Variants in DNAJC12 observed in about 807,000 individuals in gnomAD.
The protein encoded by DNAJC12 is DnaJ heat shock protein family (Hsp40) member C12, also known as dnaJ homolog subfamily C member 12.
In DNAJC12, 25 loss-of-function variants were observed where a neutral mutation model predicts 28.5. The ratio of observed to expected loss-of-function variants is 0.88; its 90% confidence interval spans 0.64 to 1.22. DNAJC12 has a LOEUF of 1.22. Ranked by LOEUF, DNAJC12 falls within the 50% of genes most tolerant of loss-of-function variation. DNAJC12 has a pLI of 0.00. For missense variants in DNAJC12, 222 were observed against 231.7 expected (o/e 0.96, Z 0.27); for synonymous variants, 77 against 80.6 (o/e 0.95, Z 0.24).
intron 2 of DNAJC12, among the ~76,000 whole-genome samples, chr10:67,819,756 A>G (rs7920237): frequency 0.19 from 3,778 of 19,956 alleles, 330 homozygotes; most frequent in East Asian, 0.25. Context: ...GGAAGGAAGG[A>G]AGGAAGGAAG....
At chr10:67,812,098 G>A (rs558427244) in intron 2 of DNAJC12, among the ~76,000 whole-genome samples, 1 of 151,882 alleles carries the variant, frequency 6.6e-6, no homozygotes, top group African/African-American at 2.4e-5. Flanking sequence ...TAAAACTGAA[G>A]ACTATAAAGA....
At chr10:67,798,203 T>G (rs899052747) in intron 4 of DNAJC12, among the ~76,000 whole-genome samples, 3 of 152,062 alleles carry the variant, frequency 2.0e-5, no homozygotes, top group African/African-American at 7.3e-5. Flanking sequence ...CATTCTAAAC[T>G]TTAGCAAATG....
At position 67,838,054 on chromosome 10, in the gene DNAJC12, C is replaced by G. The variant is rs1244341848; in HGVS notation, c.-43G>C. The G allele has an allele frequency of 1.7e-5, 22 of 1,330,980 alleles. No homozygotes were observed. The highest frequency in any genetic ancestry group is 2.1e-5 in the Non-Finnish European group (20 of 938,720). 82.4% of individuals were successfully genotyped at this position (1,330,980 alleles called of 1,614,324 possible). A position where few individuals can be genotyped will look rare whatever the true frequency, so the allele number is the denominator to read the frequency against. ...TCCTTCTTCCCTCGGAAACAAGAGGCACAGTGAGCTTCGAATTAACAGGAA... is the reference window on the plus strand; with the variant it reads ...TCCTTCTTCCCTCGGAAACAAGAGGGACAGTGAGCTTCGAATTAACAGGAA... On this transcript the variant is annotated 5_prime_UTR_variant, in exon 1 of 5. Coordinates refer to ENST00000225171, the MANE Select transcript of DNAJC12 (RefSeq NM_021800.3).
At chr10:67,805,319 T>C (rs1156400425) in intron 4 of DNAJC12, among the ~76,000 whole-genome samples, 1 of 152,060 alleles carries the variant, frequency 6.6e-6, no homozygotes, top group Non-Finnish European at 1.5e-5. Flanking sequence ...ATGTAAAGAG[T>C]GTTCCTGCAC....
In DNAJC12 at chr10:67,838,044, A is replaced by C; in HGVS notation, c.-33T>G. The C allele has an allele frequency of 6.9e-7, 1 of 1,448,350 alleles. No individual in the cohort carries two copies. Among genetic ancestry groups the C allele is most frequent in the Non-Finnish European group, 9.6e-7 (1 of 1,040,600 alleles). The allele number at this position is 1,448,350 out of a possible 1,614,324, so 89.7% of individuals were successfully genotyped here. ...ACTTAATCAGTCCTTCTTCCCTCGG[A>C]AACAAGAGGCACAGTGAGCTTCGAA... On this transcript the variant is annotated 5_prime_UTR_variant, in exon 1 of 5. Transcript: ENST00000225171.
intron 2 of DNAJC12, among the ~76,000 whole-genome samples, chr10:67,819,093 G>C (rs1841944762): frequency 6.6e-6 from 1 of 152,186 alleles, no homozygotes; most frequent in Admixed American, 6.5e-5. Context: ...CAGGACTCTG[G>C]GAGACCGAGG....
At position 67,819,779 on chromosome 10, in the gene DNAJC12, G is replaced by GGAGGGGAAGGAA. The variant is rs1841964688; in HGVS notation, c.157+3534_157+3535insTTCCTTCCCCTC. On this transcript the variant is annotated intron_variant, in intron 2 of 4. Transcript: ENST00000225171. ...GGAAGGAAGGAAGGAAGGAAGGAAGGGGAAGGAAGGAAGGAAGGAAGGAAG... is the reference window on the plus strand; with the variant it reads ...GGAAGGAAGGAAGGAAGGAAGGAAGGGAGGGGAAGGAAGGAAGGAAGGAAGGAAGGAAGGAAG... Among the ~76,000 whole-genome samples the GGAGGGGAAGGAA allele has an allele frequency of 1.5e-4, 2 of 13,390 alleles. 1 individual carries two copies. The highest frequency in any genetic ancestry group is 3.6e-3 in the East Asian group (2 of 560). The allele number at this position is 13,390 out of a possible 152,430, so 8.8% of individuals were successfully genotyped here. A position where few individuals can be genotyped will look rare whatever the true frequency, so the allele number is the denominator to read the frequency against.
At position 67,838,171 on chromosome 10, in the gene DNAJC12, T is replaced by C. The variant is rs1172034419; in HGVS notation, c.-160A>G. ...ACAGTCAATACACCAGATGTCATCC[T>C]AGACCTTTGTAAACTCTGCCTCTCA... On this transcript the variant is annotated 5_prime_UTR_variant, in exon 1 of 5. Coordinates refer to ENST00000225171, the MANE Select transcript of DNAJC12 (RefSeq NM_021800.3). 3.8e-6 allele frequency: 2 copies of C among 522,210 alleles called. No homozygotes were observed. The highest frequency in any genetic ancestry group is 6.7e-6 in the Non-Finnish European group (2 of 296,832). The allele number at this position is 522,210 out of a possible 1,614,324, so 32.3% of individuals were successfully genotyped here.
At chr10:67,807,852 T>C (rs1841818736) in intron 3 of DNAJC12, among the ~76,000 whole-genome samples, 1 of 152,254 alleles carries the variant, frequency 6.6e-6, no homozygotes, top group Non-Finnish European at 1.5e-5. Flanking sequence ...TGTTCTGAAA[T>C]AGTAGTCTTA....
rs775170395 is a variant in DNAJC12 at position 67,811,611 on chromosome 10, C to G, written c.210G>C (p.Glu70Asp). The change falls in exon 3 of 5, where the codon GAG (glutamate) becomes GAC (aspartate). Residue 70 changes from glutamate (E) to aspartate (D), a missense_variant. Glu to Asp is a conservative substitution (Grantham distance 45, BLOSUM62 2). Transcript: ENST00000225171. ...GCCAGTGGTCATAGCGGGCTCGACTCTCTTCATTGGTCAGAATCTCCTTTG... is the reference window on the plus strand; with the variant it reads ...GCCAGTGGTCATAGCGGGCTCGACTGTCTTCATTGGTCAGAATCTCCTTTG... The part of the protein sequence containing the change: ...QKAKEILTNE[E>D]SRARYDHWRR... The G allele has an allele frequency of 1.9e-5, 31 of 1,614,086 alleles. No individual in the cohort carries two copies. The highest frequency in any genetic ancestry group is 2.5e-5 in the Non-Finnish European group (29 of 1,180,040).
intron 1 of DNAJC12, among the ~76,000 whole-genome samples, chr10:67,824,064 C>T (rs1252580674): frequency 2.0e-5 from 3 of 151,842 alleles, no homozygotes; most frequent in African/African-American, 7.3e-5. Flanking sequence ...GGTGAAACCC[C>T]GTCTCTACTA....
chr10:67,826,809 G>T (rs1402209698), intron 1 of DNAJC12, among the ~76,000 whole-genome samples: 2 of 122,356 alleles, frequency 1.6e-5, no homozygotes, highest in African/African-American at 6.2e-5. Context: ...GATATATAAT[G>T]ATATATATAA....
rs554430568 is a variant in DNAJC12 at position 67,799,235 on chromosome 10, T to C, written c.503-2025A>G. On this transcript the variant is annotated intron_variant, in intron 4 of 4. Coordinates refer to ENST00000225171, the MANE Select transcript of DNAJC12 (RefSeq NM_021800.3). ...GATATTTTAATATAGTATATAAATA[T>C]GTAGTCAGAAAAAGCATATACAGAA... Among the ~76,000 whole-genome samples, 43 of 152,278 alleles carry C rather than the reference T, an allele frequency of 2.8e-4. 1 individual carries two copies. The South Asian group carries it at 8.7e-3, about 31-fold the overall frequency.
At position 67,797,206 on chromosome 10, in the gene DNAJC12, A is replaced by G. The variant is rs754977331; in HGVS notation, c.507T>C (p.Phe169=). The change falls in exon 5 of 5, where the codon TTT becomes TTC. Residue 169 remains phenylalanine (F), a synonymous_variant. Coordinates refer to ENST00000225171, the MANE Select transcript of DNAJC12 (RefSeq NM_021800.3). ...GAAGGTGCCAACCATTCACATCTGC[A>G]AAACCTTTAAAGGAAAGAAAGTAAA... The part of the protein sequence containing the change: ...VSPQNSDSSG[F]ADVNGWHLRF... The G allele has an allele frequency of 6.2e-7, 1 of 1,613,194 alleles. No individual in the cohort carries two copies. The highest frequency in any genetic ancestry group is 8.5e-7 in the Non-Finnish European group (1 of 1,179,490).
chr10:67,836,199 G>T (rs913170013), intron 1 of DNAJC12, among the ~76,000 whole-genome samples: 1 of 152,012 alleles, frequency 6.6e-6, no homozygotes, highest in African/African-American at 2.4e-5. Context: ...GGCCTGTCGG[G>T]GGGTGGGGGA....
At chr10:67,813,376 A>T (rs1841881631) in intron 2 of DNAJC12, among the ~76,000 whole-genome samples, 1 of 152,144 alleles carries the variant, frequency 6.6e-6, no homozygotes, top group Non-Finnish European at 1.5e-5. Context: ...AAAATAAAAA[A>T]TCAATATACA....
chr10:67,820,777 C>CTTTTTT (rs71006170), intron 2 of DNAJC12, among the ~76,000 whole-genome samples: 10 of 68,534 alleles, frequency 1.5e-4, no homozygotes, highest in Non-Finnish European at 2.2e-4. Context: ...TTCTTTTTTC[C>CTTTTTT]TTTTTTTTTT....
intron 3 of DNAJC12, chr10:67,808,412 C>T (rs1197755819): frequency 6.6e-6 from 1 of 152,194 alleles, no homozygotes; most frequent in Non-Finnish European, 1.5e-5. Flanking sequence ...TCACAATTAA[C>T]TTGTTTACTA....
At chr10:67,824,235 TAA>T (rs11351546) in intron 1 of DNAJC12, among the ~76,000 whole-genome samples, 5,260 of 135,930 alleles carry the variant, frequency 0.039, 242 homozygotes, top group African/African-American at 0.11. Flanking sequence ...GAGTCTGTCT[TAA>T]AAAAAAAAAA....
Sources: gnomAD v4.1 joint callset for allele counts (sites outside exome capture counted in the v4.1 genomes callset) on GRCh38, gnomAD v4.1.1 for gene constraint, MANE v1.5 for transcripts, NCBI Gene and HGNC (gene_info 2026-07-23, HGNC 2026-07-21) for gene names.